Variants in DMD observed in about 807,000 individuals in gnomAD.
DMD encodes mutant dystrophin.
Under a neutral mutation model 330.1 loss-of-function variants are expected in DMD, and 63 were observed. The ratio of observed to expected loss-of-function variants is 0.19; its 90% CI spans 0.16 to 0.24. The LOEUF (loss-of-function observed/expected upper bound fraction) is 0.24, where lower values mean the gene tolerates loss of function less well. Ranked by LOEUF, DMD falls within the 10% of genes least tolerant of loss-of-function variation. The probability of loss-of-function intolerance (pLI) is 1.00; values close to 1 mark genes in which losing one functional copy is unlikely to be tolerated. For synonymous variants in DMD, 1,223 were observed against 959.8 expected (o/e 1.27, Z -5.07); for missense variants, 3,344 against 2,684.1 (o/e 1.25, Z -5.43).
At chrX:31,444,024 C>T (rs927589692) in intron 60 of DMD, among the ~76,000 whole-genome samples, 2 of 110,383 alleles carry the variant, frequency 1.8e-5, no homozygotes, top group Admixed American at 9.7e-5. Flanking sequence ...CGGTAGTGAG[C>T]GAGGTTTTGC....
chrX:32,696,039 G>A (rs1603116671), intron 9 of DMD, among the ~76,000 whole-genome samples: 1 of 112,259 alleles, frequency 8.9e-6, no homozygotes, highest in African/African-American at 3.2e-5. Context: ...AGAGTGATGT[G>A]TCTGGGGAGT....
intron 1 of DMD, among the ~76,000 whole-genome samples, chrX:33,282,347 G>A (rs1226227737): frequency 9.0e-6 from 1 of 111,596 alleles, no homozygotes; most frequent in Non-Finnish European, 1.9e-5. Context: ...GTGCTTTCTG[G>A]ATGGGATTTT....
chrX:31,754,089 T>A (rs1196665538), intron 51 of DMD, among the ~76,000 whole-genome samples: 1 of 111,263 alleles, frequency 9.0e-6, no homozygotes, highest in East Asian at 2.8e-4. Flanking sequence ...CTCGGCAGTG[T>A]AAAAGTTACC....
chrX:32,433,575 G>T (rs771914559), intron 29 of DMD, among the ~76,000 whole-genome samples: 1 of 111,556 alleles, frequency 9.0e-6, no homozygotes, highest in Non-Finnish European at 1.9e-5. Context: ...CTACTCGGGA[G>T]GCTGAGGCAA....
rs2078649395 is a variant in DMD, at chrX:31,623,133, T to A, written c.8217+4540A>T. On this transcript the variant is annotated intron_variant, in intron 55 of 78. Coordinates refer to ENST00000357033, the MANE Select transcript of DMD (RefSeq NM_004006.3). ...AAATTGCCTCTGCATTCTCAGATAG[T>A]CCAAGAAATACGATACTCCAATTTA... Among the ~76,000 whole-genome samples, 3 of 110,744 alleles carry A rather than the reference T, an allele frequency of 2.7e-5. No homozygotes were observed. The South Asian group carries it at 1.1e-3, about 42-fold the overall frequency.
intron 1 of DMD, among the ~76,000 whole-genome samples, chrX:33,101,110 G>A (rs921202432): frequency 1.8e-5 from 2 of 111,959 alleles, no homozygotes; most frequent in East Asian, 2.8e-4. Flanking sequence ...CAATCGCAGC[G>A]TTTATTTGTT....
rs774723199 is a variant in DMD, at chrX:32,489,886, A to C, written c.2622+1391T>G. Among the ~76,000 whole-genome samples, 169 of 111,802 alleles carry C rather than the reference A, an allele frequency of 1.5e-3. 2 individuals carry two copies. Among genetic ancestry groups the C allele is most frequent in the African/African-American group, 5.1e-3 (157 of 30,794 alleles). ...ATTACAAAATGCATCTCAATGTAGA[A>C]ATTCCTTAGATGTGTGTATTTGCCT... is the stretch of plus-strand genomic sequence containing the variant. On this transcript the variant is annotated intron_variant, in intron 20 of 78. Transcript: ENST00000357033.
intron 7 of DMD, among the ~76,000 whole-genome samples, chrX:32,745,811 G>C (rs761038140): frequency 3.6e-5 from 4 of 112,278 alleles, no homozygotes; most frequent in Admixed American, 1.9e-4. Flanking sequence ...ATTTGTATAA[G>C]TAATGTAGTC....
At chrX:32,048,472 C>A (rs1177777409) in intron 44 of DMD, among the ~76,000 whole-genome samples, 1 of 108,794 alleles carries the variant, frequency 9.2e-6, no homozygotes, top group Admixed American at 1.0e-4. Flanking sequence ...CTTACTAGTT[C>A]CTTATCCTGA....
intron 34 of DMD, among the ~76,000 whole-genome samples, chrX:32,374,724 A>G (rs2097894455): frequency 9.0e-6 from 1 of 111,394 alleles, no homozygotes; most frequent in Admixed American, 9.6e-5. Context: ...GTATATTTTA[A>G]GTGGGGCAAT....
intron 51 of DMD, among the ~76,000 whole-genome samples, chrX:31,749,359 G>C (rs1250724301): frequency 1.9e-4 from 17 of 91,771 alleles, no homozygotes; most frequent in Non-Finnish European, 3.3e-4. Flanking sequence ...TGTTCTCATT[G>C]TTCAATTCCC....
intron 43 of DMD, among the ~76,000 whole-genome samples, chrX:32,276,029 C>T (rs754583151): frequency 8.9e-6 from 1 of 111,976 alleles, no homozygotes; most frequent in Non-Finnish European, 1.9e-5. Context: ...CAGCACTGGA[C>T]GTGCAGTGCA....
chrX:31,475,782 T>C (rs1349841084), intron 59 of DMD, among the ~76,000 whole-genome samples: 2 of 111,918 alleles, frequency 1.8e-5, no homozygotes, highest in Admixed American at 1.9e-4. Context: ...AAATTTTTAA[T>C]CTTTTCTTTT....
At position 32,708,289 on chromosome X, in the gene DMD, T is replaced by G. The variant is rs541051472; in HGVS notation, c.650-8996A>C. Among the ~76,000 whole-genome samples, 3 of 109,292 alleles carry G rather than the reference T, an allele frequency of 2.7e-5. No homozygotes were observed. In the South Asian group the frequency reaches 1.2e-3, roughly 42 times the overall value. The allele number at this position is 109,292 out of a possible 115,157, so 94.9% of individuals were successfully genotyped here. A position where few individuals can be genotyped will look rare whatever the true frequency, so the allele number is the denominator to read the frequency against. ...GATATTGTACAAAATGATCAGGTTT[T>G]TTTTTTTTTGAAAAAAATATGGTAA... On this transcript the variant is annotated intron_variant, in intron 7 of 78. Transcript: ENST00000357033.
At position 32,464,719 on chromosome X, in the gene DMD, A is replaced by C; in HGVS notation, c.3163-20T>G. 4 of 1,043,198 alleles carry C rather than the reference A, an allele frequency of 3.8e-6. No individual in the cohort carries two copies. The highest frequency in any genetic ancestry group is 5.4e-6 in the Non-Finnish European group (4 of 742,106). The allele number at this position is 1,043,198 out of a possible 1,213,427, so 86.0% of individuals were successfully genotyped here. Reference sequence around the variant, plus strand: ...GTGATTCTGAAACGAGACCCGTTATAAGGCATTACTGGTGTGCTGATTACT... The same window carrying C: ...GTGATTCTGAAACGAGACCCGTTATCAGGCATTACTGGTGTGCTGATTACT... On this transcript the variant is annotated intron_variant, in intron 23 of 78. Transcript: ENST00000357033.
chrX:32,177,281 C>CAG (rs1569548911), intron 44 of DMD, among the ~76,000 whole-genome samples: 1 of 112,081 alleles, frequency 8.9e-6, no homozygotes, highest in African/African-American at 3.2e-5. Context: ...AATCATGACT[C>CAG]TTTCCTGACA....
intron 8 of DMD, among the ~76,000 whole-genome samples, chrX:32,698,215 G>T (rs1388019259): frequency 2.7e-5 from 3 of 111,454 alleles, no homozygotes; most frequent in Non-Finnish European, 3.8e-5. Context: ...GATCTGGGAA[G>T]ATATGAGCAT....
chrX:32,121,503 T>C (rs549261008), intron 44 of DMD, among the ~76,000 whole-genome samples: 1 of 105,726 alleles, frequency 9.5e-6, no homozygotes, highest in South Asian at 4.5e-4. Flanking sequence ...GCCTGTGGAC[T>C]GCTGACAGGA....
At chrX:32,561,304 G>A (rs954897262) in intron 16 of DMD, among the ~76,000 whole-genome samples, 2 of 110,932 alleles carry the variant, frequency 1.8e-5, no homozygotes, top group African/African-American at 6.6e-5. Flanking sequence ...AGTTTACAGA[G>A]GAACATGAAT....
Sources: allele counts gnomAD v4.1 joint callset (sites outside exome capture counted in the v4.1 genomes callset), GRCh38; gene constraint gnomAD v4.1.1; transcripts MANE v1.5; gene names NCBI Gene and HGNC (gene_info 2026-07-23, HGNC 2026-07-21).